The following RALA variants were observed in gnomAD, a reference collection of about 807,000 sequenced individuals.
RALA encodes RAS like proto-oncogene A.
A neutral mutation model predicts 24.0 loss-of-function variants in RALA; 5 were observed. The ratio of observed to expected loss-of-function variants is 0.21; its 90% CI spans 0.11 to 0.44. The LOEUF is 0.44. Ranked by LOEUF, RALA falls within the 20% of genes least tolerant of loss-of-function variation. RALA has a pLI of 0.99. For synonymous variants in RALA, 77 were observed against 83.8 expected (o/e 0.92, Z 0.44); for missense variants, 95 against 241.2 (o/e 0.39, Z 4.01).
intron 1 of RALA, among the ~76,000 whole-genome samples, chr7:39,668,766 C>T (rs1792328073): frequency 6.9e-6 from 1 of 144,762 alleles, no homozygotes; most frequent in African/African-American, 2.6e-5. Context: ...CATTGCACTC[C>T]AGCCTGAGCA....
At chr7:39,667,930 G>C (rs1447743986) in intron 1 of RALA, among the ~76,000 whole-genome samples, 1 of 151,994 alleles carries the variant, frequency 6.6e-6, no homozygotes. Context: ...GATCTGTTGT[G>C]AGAAGCAGAT....
At chr7:39,705,227 G>A (rs183777679) in intron 4 of RALA, among the ~76,000 whole-genome samples, 7 of 152,180 alleles carry the variant, frequency 4.6e-5, no homozygotes, top group East Asian at 1.9e-4. Flanking sequence ...TTTCAGACGC[G>A]TTAGGAAAGG....
intron 4 of RALA, among the ~76,000 whole-genome samples, chr7:39,701,845 G>A (rs950599815): frequency 1.2e-4 from 19 of 152,346 alleles, no homozygotes; most frequent in Non-Finnish European, 1.5e-4. Flanking sequence ...GAATCACTCC[G>A]AGGCTAAAGG....
chr7:39,646,720 C>T (rs933086814), intron 1 of RALA, among the ~76,000 whole-genome samples: 27 of 152,190 alleles, frequency 1.8e-4, no homozygotes, highest in African/African-American at 6.3e-4. Context: ...CTGTTCTAGT[C>T]ATTAACTACT....
chr7:39,696,904 G>A (rs1792932368), intron 4 of RALA, 45 bp downstream of exon 4: 1 of 1,541,462 alleles, frequency 6.5e-7, no homozygotes. Flanking sequence ...AAATAGGTTG[G>A]TTTGCTTTAA....
At chr7:39,688,421 G>A (rs1301615953) in intron 2 of RALA, among the ~76,000 whole-genome samples, 1 of 151,718 alleles carries the variant, frequency 6.6e-6, no homozygotes, top group Non-Finnish European at 1.5e-5. Context: ...TTTGTGGAGA[G>A]TGGATTGAAA....
chr7:39,690,507 C>T lies in RALA; in HGVS notation c.240C>T (p.Asp80=). 6.2e-7 allele frequency: 1 copy of T among 1,614,020 alleles called. No individual in the cohort carries two copies. Among genetic ancestry groups the T allele is most frequent in the Non-Finnish European group, 8.5e-7 (1 of 1,179,918 alleles). ...AGGAGGACTACGCTGCAATTAGAGA[C>T]AACTACTTCCGAAGTGGGGAGGGGT... is the stretch of plus-strand genomic sequence containing the variant. ...AGQEDYAAIR[D]NYFRSGEGFL... The change falls in exon 3 of 5, where the codon GAC becomes GAT. Residue 80 remains aspartate, a synonymous_variant. Transcript: ENST00000005257.
chr7:39,703,496 C>T (rs946696195), intron 4 of RALA, among the ~76,000 whole-genome samples: 3 of 152,132 alleles, frequency 2.0e-5, no homozygotes, highest in Non-Finnish European at 4.4e-5. Context: ...TTGATAGTTT[C>T]GTTGCTTTCT....
rs529532951 is a variant in RALA, at chr7:39,653,098, C to T, written c.-38+29273C>T. Among the ~76,000 whole-genome samples the T allele has an allele frequency of 1.4e-4, 21 of 151,806 alleles. No individual in the cohort carries two copies. In the South Asian group the frequency reaches 4.0e-3, roughly 29 times the overall value. ...AGGCTGGAGTGCAGTGGTGCGATCT[C>T]GGCTCACTGCAACCTCCACCTCCCA... is the stretch of plus-strand genomic sequence containing the variant. On this transcript the variant is annotated intron_variant, in intron 1 of 4. Coordinates refer to ENST00000005257, the MANE Select transcript of RALA (RefSeq NM_005402.4).
chr7:39,690,723 A>G, intron 3 of RALA, 133 bp downstream of exon 3: 1 of 681,766 alleles, frequency 1.5e-6, no homozygotes, highest in Non-Finnish European at 2.4e-6. Context: ...TCCCTTTTTG[A>G]TATCAGTATA....
At chr7:39,651,572 C>G (rs886729574) in intron 1 of RALA, among the ~76,000 whole-genome samples, 10 of 151,958 alleles carry the variant, frequency 6.6e-5, no homozygotes, top group African/African-American at 2.4e-4. Flanking sequence ...TTTCCTTTTT[C>G]ACTAAGCTTT....
chr7:39,637,714 C>T (rs1254114592), intron 1 of RALA, among the ~76,000 whole-genome samples: 1 of 152,170 alleles, frequency 6.6e-6, no homozygotes, highest in Non-Finnish European at 1.5e-5. Context: ...AGTGCTATTT[C>T]CTCCCAGCTT....
At chr7:39,661,679 C>G (rs529532667) in intron 1 of RALA, among the ~76,000 whole-genome samples, 1 of 152,310 alleles carries the variant, frequency 6.6e-6, no homozygotes, top group South Asian at 2.1e-4. Context: ...GTACAGCCTC[C>G]CTTCTGGCTG....
intron 1 of RALA, among the ~76,000 whole-genome samples, chr7:39,649,935 G>T (rs1240194226): frequency 6.6e-6 from 1 of 152,196 alleles, no homozygotes; most frequent in Non-Finnish European, 1.5e-5. Context: ...ATTGAAAATT[G>T]ACTGTTGGAT....
intron 4 of RALA, 40 bp from the exon 5 acceptor site, chr7:39,706,083 T>G: frequency 5.2e-6 from 8 of 1,543,172 alleles, no homozygotes; most frequent in Non-Finnish European, 7.1e-6. Context: ...CAAGTTCATG[T>G]ATCTGTTTGC....
In RALA at chr7:39,699,209, C is replaced by T. The variant is rs974807713; in HGVS notation, c.498+2350C>T. On this transcript the variant is annotated intron_variant, in intron 4 of 4. Coordinates refer to ENST00000005257, the MANE Select transcript of RALA (RefSeq NM_005402.4). ...ACTGCGGACTGCAGTGGCGCAATCTCGGCTCACTGCAAGCTCTGCTTCCCG... is the reference window on the plus strand; with the variant it reads ...ACTGCGGACTGCAGTGGCGCAATCTTGGCTCACTGCAAGCTCTGCTTCCCG... 1.3e-4 allele frequency among the ~76,000 whole-genome samples: 17 copies of T among 134,148 alleles called. No homozygotes were observed. In the East Asian group the frequency reaches 2.0e-3, roughly 15 times the overall value. 88.0% of individuals were successfully genotyped at this position (134,148 alleles called of 152,430 possible).
intron 1 of RALA, among the ~76,000 whole-genome samples, chr7:39,674,626 T>G (rs965341344): frequency 3.3e-5 from 5 of 152,190 alleles, no homozygotes; most frequent in African/African-American, 9.7e-5. Context: ...CTCTGAGACA[T>G]TAAATAGTAC....
chr7:39,632,475 A>G (rs1418550365), intron 1 of RALA, among the ~76,000 whole-genome samples: 3 of 152,226 alleles, frequency 2.0e-5, no homozygotes, highest in Non-Finnish European at 4.4e-5. Context: ...GGCTATGTAT[A>G]TACCTTACAA....
At chr7:39,662,285 T>TC (rs1045236609) in intron 1 of RALA, among the ~76,000 whole-genome samples, 3 of 152,156 alleles carry the variant, frequency 2.0e-5, no homozygotes, top group African/African-American at 7.2e-5. Flanking sequence ...GGAGACATTT[T>TC]CCCCCGTTGT....
Sources: allele counts gnomAD v4.1 joint callset (sites outside exome capture counted in the v4.1 genomes callset), GRCh38; gene constraint gnomAD v4.1.1; transcripts MANE v1.5; gene names NCBI Gene and HGNC (gene_info 2026-07-23, HGNC 2026-07-21).